Variants in SND1 observed in about 807,000 individuals in gnomAD.
SND1 encodes staphylococcal nuclease domain-containing protein 1.
Under a neutral mutation model 121.7 loss-of-function variants are expected in SND1, and 38 were observed. That is an observed-to-expected ratio of 0.31 (90% CI 0.24 to 0.41). SND1 has a LOEUF of 0.41. SND1 is among the 10% of genes least tolerant of loss of function. The probability of loss-of-function intolerance (pLI) is 1.00; values close to 1 mark genes in which losing one functional copy is unlikely to be tolerated. For missense variants in SND1, 868 were observed against 1,184.6 expected (o/e 0.73, Z 3.92); for synonymous variants, 401 against 447.4 (o/e 0.90, Z 1.31).
intron 1 of SND1, among the ~76,000 whole-genome samples, chr7:127,653,482 T>G (rs1177048792): frequency 1.3e-5 from 2 of 152,132 alleles, no homozygotes; most frequent in Non-Finnish European, 2.9e-5. Context: ...CTCCCAAGGC[T>G]CCACAAGTTT....
chr7:127,745,749 T>C (rs1587635773), intron 10 of SND1, among the ~76,000 whole-genome samples: 1 of 152,228 alleles, frequency 6.6e-6, no homozygotes, highest in Admixed American at 6.5e-5. Flanking sequence ...TTTTCATCAC[T>C]GAGTGGCTTG....
chr7:127,912,543 C>T (rs1800481814), intron 14 of SND1, among the ~76,000 whole-genome samples: 1 of 152,190 alleles, frequency 6.6e-6, no homozygotes, highest in Admixed American at 6.5e-5. Context: ...CCTAGTTTGA[C>T]TCTGTTTTTG....
chr7:127,941,057 T>A (rs1335442130), intron 15 of SND1, among the ~76,000 whole-genome samples: 1 of 152,264 alleles, frequency 6.6e-6, no homozygotes, highest in African/African-American at 2.4e-5. Context: ...AGCACTGGCC[T>A]ATGAGGAGCA....
chr7:127,663,829 C>A (rs1323027761), intron 1 of SND1, among the ~76,000 whole-genome samples: 1 of 152,120 alleles, frequency 6.6e-6, no homozygotes, highest in Non-Finnish European at 1.5e-5. Context: ...TTTTGACTTC[C>A]TAAAGTGCAG....
chr7:128,030,305 C>A, intron 16 of SND1: 1 of 1,614,160 alleles, frequency 6.2e-7, no homozygotes, highest in Non-Finnish European at 8.5e-7. Context: ...CCTCAATCTG[C>A]CGGATGGAGT....
chr7:127,833,022 G>A (rs1356267421), intron 11 of SND1, among the ~76,000 whole-genome samples: 1 of 152,124 alleles, frequency 6.6e-6, no homozygotes, highest in Non-Finnish European at 1.5e-5. Flanking sequence ...TACAAAATCG[G>A]TCCCTGGTGC....
intron 10 of SND1, among the ~76,000 whole-genome samples, chr7:127,804,256 T>C (rs968489211): frequency 6.6e-5 from 10 of 152,176 alleles, no homozygotes; most frequent in African/African-American, 2.4e-4. Flanking sequence ...CAATAGCTAC[T>C]AGCTCTGAGG....
intron 15 of SND1, among the ~76,000 whole-genome samples, chr7:127,984,065 CCTTTA>C (rs1299334809): frequency 2.0e-5 from 3 of 152,132 alleles, no homozygotes; most frequent in Admixed American, 6.5e-5. Flanking sequence ...TTTTATCTTC[CCTTTA>C]AAGGCAGGTC....
intron 11 of SND1, among the ~76,000 whole-genome samples, chr7:127,808,015 G>A (rs1269028492): frequency 2.0e-5 from 3 of 152,182 alleles, no homozygotes; most frequent in Admixed American, 2.0e-4. Flanking sequence ...CTAAGAGCAC[G>A]CCTATTGTAA....
chr7:128,088,152 A>G (rs1379872625), intron 21 of SND1, among the ~76,000 whole-genome samples: 1 of 152,176 alleles, frequency 6.6e-6, no homozygotes, highest in Non-Finnish European at 1.5e-5. Flanking sequence ...ACGTCGGTGA[A>G]GACAGACATG....
chr7:127,809,713 T>C (rs1207320573), intron 11 of SND1, among the ~76,000 whole-genome samples: 2 of 152,234 alleles, frequency 1.3e-5, no homozygotes, highest in African/African-American at 4.8e-5. Flanking sequence ...CTTCTCTGCC[T>C]AGACTATTAT....
rs562704690 is a variant in SND1, at chr7:128,006,416, C to A, written c.1779+15360C>A. ...TAATGGGGTATCCTCCCCCCACCTC[C>A]CAAATAGGACAGTTAGCTGCCACAC... On this transcript the variant is annotated intron_variant, in intron 16 of 23. Coordinates refer to ENST00000354725, the MANE Select transcript of SND1 (RefSeq NM_014390.4). 7.2e-5 allele frequency among the ~76,000 whole-genome samples: 11 copies of A among 152,312 alleles called. No homozygotes were observed. In the South Asian group the frequency reaches 2.3e-3, roughly 32 times the overall value.
chr7:127,956,364 T>G (rs1258324434), intron 15 of SND1, among the ~76,000 whole-genome samples: 1 of 152,214 alleles, frequency 6.6e-6, no homozygotes, highest in Admixed American at 6.5e-5. Flanking sequence ...CAGATACATC[T>G]GGATACTTTG....
intron 10 of SND1, among the ~76,000 whole-genome samples, chr7:127,727,227 C>A (rs1796597423): frequency 6.6e-6 from 1 of 152,198 alleles, no homozygotes; most frequent in South Asian, 2.1e-4. Flanking sequence ...ATCTCCCAGA[C>A]CTGGCCCGCC....
At chr7:127,708,688 C>T (rs1221743616) in intron 9 of SND1, among the ~76,000 whole-genome samples, 1 of 152,080 alleles carries the variant, frequency 6.6e-6, no homozygotes, top group Non-Finnish European at 1.5e-5. Flanking sequence ...ATCAGCAGTG[C>T]TATAAAAATG....
intron 9 of SND1, chr7:127,718,691 G>T (rs1339960189): frequency 3.0e-6 from 3 of 985,174 alleles, no homozygotes; most frequent in Non-Finnish European, 3.6e-6. Context: ...ATTACAAGGG[G>T]TGCCTAATTC....
Position 128,028,450 on chromosome 7 carries a change from C to G in SND1, c.1779+37394C>G, listed in dbSNP as rs1021311030. 2.4e-5 allele frequency: 11 copies of G among 459,474 alleles called. No homozygotes were observed. The Admixed American group carries it at 3.9e-4, about 16-fold the overall frequency. The allele number at this position is 459,474 out of a possible 1,614,324, so 28.5% of individuals were successfully genotyped here. ...AAGTTAACTTGTGGCTTGTACCCCACAACGTTCCCAAGATTCCCCCCCACC... is the reference window on the plus strand; with the variant it reads ...AAGTTAACTTGTGGCTTGTACCCCAGAACGTTCCCAAGATTCCCCCCCACC... On this transcript the variant is annotated intron_variant, in intron 16 of 23. Coordinates refer to ENST00000354725, the MANE Select transcript of SND1 (RefSeq NM_014390.4).
chr7:127,746,131 A>G (rs952807731), intron 10 of SND1, among the ~76,000 whole-genome samples: 3 of 152,082 alleles, frequency 2.0e-5, no homozygotes, highest in South Asian at 2.1e-4. Flanking sequence ...TGTGTTGCCT[A>G]TAAGCACCTG....
intron 15 of SND1, among the ~76,000 whole-genome samples, chr7:127,945,503 A>T (rs560111229): frequency 1.1e-4 from 16 of 151,358 alleles, no homozygotes; most frequent in East Asian, 1.9e-4. Context: ...AAAAAAAAAA[A>T]TTTTTTTTTA....
Sources: gnomAD v4.1 joint callset for allele counts (sites outside exome capture counted in the v4.1 genomes callset) on GRCh38, gnomAD v4.1.1 for gene constraint, MANE v1.5 for transcripts, NCBI Gene and HGNC (gene_info 2026-07-23, HGNC 2026-07-21) for gene names.